Variants in SLC9A9 observed in about 807,000 individuals in gnomAD.
The protein encoded by SLC9A9 is solute carrier family 9 member A9.
Under a neutral mutation model 77.8 loss-of-function variants are expected in SLC9A9, and 62 were observed. That is an observed-to-expected ratio of 0.80 (90% CI 0.65 to 0.98). SLC9A9 has a LOEUF of 0.98. Among genes scored for constraint, SLC9A9 ranks in the 50% least tolerant of loss-of-function variants. The probability of loss-of-function intolerance (pLI) is 0.00; values close to 1 mark genes in which losing one functional copy is unlikely to be tolerated. For missense variants in SLC9A9, 775 were observed against 774.9 expected, an observed-to-expected ratio of 1.00 and a Z score of 0.00; for synonymous variants, 320 against 283.5, an observed-to-expected ratio of 1.13 and a Z score of -1.29.
intron 14 of SLC9A9, among the ~76,000 whole-genome samples, chr3:143,339,506 C>A (rs181222938): frequency 1.5e-5 from 2 of 130,676 alleles, no homozygotes; most frequent in African/African-American, 6.6e-5. Context: ...CTTTTCCCTG[C>A]TATCTTCTTT....
intron 12 of SLC9A9, among the ~76,000 whole-genome samples, chr3:143,442,862 G>A (rs368218662): frequency 7.2e-5 from 11 of 152,310 alleles, no homozygotes; most frequent in African/African-American, 2.6e-4. Flanking sequence ...AGGACATGAT[G>A]TTGTGTAAGA....
chr3:143,384,248 A>G (rs533738996), intron 12 of SLC9A9, among the ~76,000 whole-genome samples: 15 of 152,128 alleles, frequency 9.9e-5, no homozygotes, highest in Admixed American at 9.2e-4. Flanking sequence ...CGACAGTGGG[A>G]CCCAGGTGTG....
At chr3:143,450,454 T>A (rs1453709887) in intron 12 of SLC9A9, among the ~76,000 whole-genome samples, 1 of 151,798 alleles carries the variant, frequency 6.6e-6, no homozygotes, top group Non-Finnish European at 1.5e-5. Context: ...TAGAAAAACG[T>A]ACTCAAGTGT....
intron 14 of SLC9A9, among the ~76,000 whole-genome samples, chr3:143,299,399 A>G (rs2030420518): frequency 6.6e-6 from 1 of 151,928 alleles, no homozygotes; most frequent in South Asian, 2.1e-4. Context: ...GGCAACCATC[A>G]GATTCACTTG....
intron 12 of SLC9A9, among the ~76,000 whole-genome samples, chr3:143,400,269 CAA>C (rs1156470181): frequency 2.0e-5 from 3 of 152,048 alleles, no homozygotes; most frequent in African/African-American, 4.8e-5. Flanking sequence ...GGGAAAAATT[CAA>C]AAGAGTATTT....
chr3:143,675,830 G>A (rs948635740), intron 5 of SLC9A9, among the ~76,000 whole-genome samples: 2 of 152,000 alleles, frequency 1.3e-5, no homozygotes, highest in Non-Finnish European at 2.9e-5. Context: ...TTGTTTAGTC[G>A]TTTGCTTTAA....
intron 12 of SLC9A9, among the ~76,000 whole-genome samples, chr3:143,430,077 T>C (rs981475584): frequency 3.3e-5 from 5 of 152,164 alleles, no homozygotes; most frequent in African/African-American, 1.2e-4. Flanking sequence ...AGAATAAGAA[T>C]GCATCTAGGG....
intron 6 of SLC9A9, among the ~76,000 whole-genome samples, chr3:143,619,650 G>C (rs1458556782): frequency 6.6e-6 from 1 of 152,128 alleles, no homozygotes; most frequent in Admixed American, 6.5e-5. Context: ...CAATAGCTTT[G>C]GGTAAGAGGA....
At chr3:143,620,674 C>G (rs2108711699) in intron 6 of SLC9A9, 1 of 153,038 alleles carries the variant, frequency 6.5e-6, no homozygotes, top group East Asian at 1.9e-4. Context: ...CTCCAGTCTA[C>G]AGCTCCCAGC....
At chr3:143,471,449 T>C (rs1053915893) in intron 11 of SLC9A9, among the ~76,000 whole-genome samples, 3 of 152,214 alleles carry the variant, frequency 2.0e-5, no homozygotes, top group Non-Finnish European at 4.4e-5. Context: ...TAGAGGATTT[T>C]AGGATTGAAA....
chr3:143,557,974 A>G (rs1284857795), intron 8 of SLC9A9, among the ~76,000 whole-genome samples: 4 of 152,264 alleles, frequency 2.6e-5, no homozygotes, highest in African/African-American at 9.6e-5. Flanking sequence ...AAGGCATGTC[A>G]GAGACCTTCA....
At chr3:143,780,292 A>C (rs998429246) in intron 4 of SLC9A9, among the ~76,000 whole-genome samples, 2 of 152,210 alleles carry the variant, frequency 1.3e-5, no homozygotes, top group African/African-American at 4.8e-5. Flanking sequence ...AGATAGCCCA[A>C]TTAGTAAAAG....
At chr3:143,740,246 A>G (rs996139578) in intron 4 of SLC9A9, among the ~76,000 whole-genome samples, 1 of 152,168 alleles carries the variant, frequency 6.6e-6, no homozygotes, top group Non-Finnish European at 1.5e-5. Context: ...AAAATGAGAG[A>G]GAGAGATATA....
intron 9 of SLC9A9, among the ~76,000 whole-genome samples, chr3:143,548,994 A>G (rs74596681): frequency 1.4e-3 from 208 of 152,324 alleles, no homozygotes; most frequent in Non-Finnish European, 2.5e-3. Flanking sequence ...ACTCTCATTA[A>G]ACAGTCCTGG....
intron 12 of SLC9A9, among the ~76,000 whole-genome samples, chr3:143,414,875 T>G (rs1007726266): frequency 6.6e-6 from 1 of 152,230 alleles, no homozygotes; most frequent in Non-Finnish European, 1.5e-5. Context: ...CAAGGTAGGC[T>G]GAGAGCTAGG....
intron 12 of SLC9A9, among the ~76,000 whole-genome samples, chr3:143,401,227 G>A (rs996587192): frequency 1.3e-5 from 2 of 152,116 alleles, no homozygotes; most frequent in Non-Finnish European, 2.9e-5. Context: ...GCTTGTCTGT[G>A]TTCTTCTATC....
chr3:143,542,834 G>A (rs909083012), intron 9 of SLC9A9, among the ~76,000 whole-genome samples: 2 of 152,144 alleles, frequency 1.3e-5, no homozygotes, highest in Admixed American at 1.3e-4. Flanking sequence ...GGCAAAATCA[G>A]ACAGTAAATT....
intron 6 of SLC9A9, among the ~76,000 whole-genome samples, chr3:143,593,490 A>T (rs1256020414): frequency 6.6e-6 from 1 of 152,230 alleles, no homozygotes; most frequent in Non-Finnish European, 1.5e-5. Flanking sequence ...CTTTTATTCA[A>T]ACCTATTATC....
chr3:143,720,247 A>G (rs11710435), intron 4 of SLC9A9, among the ~76,000 whole-genome samples: 98,669 of 150,070 alleles, frequency 0.66, 35,194 homozygotes, highest in East Asian at 1. Flanking sequence ...TTTTATATAT[A>G]TATATTTTTT....
Sources: gnomAD v4.1 joint callset for allele counts (sites outside exome capture counted in the v4.1 genomes callset) on GRCh38, gnomAD v4.1.1 for gene constraint, MANE v1.5 for transcripts, NCBI Gene and HGNC (gene_info 2026-07-23, HGNC 2026-07-21) for gene names.